SESN1: variants seen among roughly 807,000 people sequenced by gnomAD.
The protein encoded by SESN1 is sestrin-1.
In SESN1, 30 loss-of-function variants were observed where a neutral mutation model predicts 59.3. The observed-to-expected ratio is 0.51, with a 90% CI of 0.38 to 0.69. The LOEUF is 0.69. SESN1 is among the 30% of genes least tolerant of loss of function. SESN1 has a pLI of 0.00. For synonymous variants in SESN1, 197 were observed against 219.9 expected, an observed-to-expected ratio of 0.90 and a Z score of 0.92; for missense variants, 566 against 673.0, an observed-to-expected ratio of 0.84 and a Z score of 1.76.
chr6:109,009,307 G>A, intron 1 of SESN1: 2 of 1,423,984 alleles, frequency 1.4e-6, no homozygotes, highest in South Asian at 1.4e-5. Context: ...GCTCGGCCGG[G>A]TGCCCACCCG....
chr6:109,032,344 C>T (rs1041517100), intron 1 of SESN1, among the ~76,000 whole-genome samples: 5 of 152,212 alleles, frequency 3.3e-5, no homozygotes, highest in African/African-American at 9.6e-5. Flanking sequence ...TAAGGCTGGG[C>T]GCAGTGGCTC....
rs1051522098 is a variant in SESN1, at chr6:108,999,590, C to T, written c.730-835G>A. ...CATAACAATGAGATGCCACTTCACA[C>T]TTATCAGAATGGCTGAAATCCAAAA... On this transcript the variant is annotated intron_variant, in intron 4 of 9. Transcript: ENST00000436639. Among the ~76,000 whole-genome samples, 12 of 152,266 alleles carry T rather than the reference C, an allele frequency of 7.9e-5. 1 individual carries two copies. The highest frequency in any genetic ancestry group is 3.4e-3 in the Middle Eastern group (1 of 294).
chr6:109,050,915 G>A (rs1780530125), intron 1 of SESN1, among the ~76,000 whole-genome samples: 2 of 152,142 alleles, frequency 1.3e-5, no homozygotes, highest in East Asian at 3.8e-4. Flanking sequence ...CTTAGGTAGG[G>A]GGAATGTGGT....
At chr6:109,092,655 G>C (rs564608983) in intron 1 of SESN1, among the ~76,000 whole-genome samples, 82 of 152,258 alleles carry the variant, frequency 5.4e-4, no homozygotes, top group African/African-American at 1.8e-3. Flanking sequence ...GCATAATGAT[G>C]ACCCCATTAT....
At chr6:109,003,737 G>A (rs1377019718) in intron 1 of SESN1, among the ~76,000 whole-genome samples, 1 of 152,162 alleles carries the variant, frequency 6.6e-6, no homozygotes, top group Non-Finnish European at 1.5e-5. Flanking sequence ...ATGAATGCCA[G>A]AGGACATCCC....
intron 1 of SESN1, among the ~76,000 whole-genome samples, chr6:109,003,910 T>C (rs976041420): frequency 3.3e-5 from 5 of 152,218 alleles, no homozygotes; most frequent in South Asian, 2.1e-4. Flanking sequence ...CTCTAATTTC[T>C]TTAATCTTGA....
Position 108,987,264 on chromosome 6 carries a change from A to G in SESN1, c.*280T>C, listed in dbSNP as rs993862266. The G allele has an allele frequency of 4.2e-5, 13 of 305,922 alleles. No homozygotes were observed. The highest frequency in any genetic ancestry group is 6.6e-5 in the Non-Finnish European group (11 of 167,550). 19.0% of individuals were successfully genotyped at this position (305,922 alleles called of 1,614,324 possible). On this transcript the variant is annotated 3_prime_UTR_variant, in exon 10 of 10. Transcript: ENST00000436639. Reference sequence around the variant, plus strand: ...AAGCAACAGGATTTGGAGAGTTACTATTTGCTGTATTAAAACAGTTACACA... The same window carrying G: ...AAGCAACAGGATTTGGAGAGTTACTGTTTGCTGTATTAAAACAGTTACACA...
At chr6:109,060,121 G>A (rs761163753) in intron 1 of SESN1, among the ~76,000 whole-genome samples, 21 of 151,124 alleles carry the variant, frequency 1.4e-4, no homozygotes, top group Non-Finnish European at 2.2e-4. Flanking sequence ...GTACACACAC[G>A]TACACACACA....
intron 1 of SESN1, among the ~76,000 whole-genome samples, chr6:109,010,185 T>A (rs915581295): frequency 6.6e-6 from 1 of 152,188 alleles, no homozygotes; most frequent in African/African-American, 2.4e-5. Flanking sequence ...TTTCTAATAT[T>A]CCTTCATAAG....
At chr6:109,040,546 G>A (rs1780322519) in intron 1 of SESN1, among the ~76,000 whole-genome samples, 1 of 151,698 alleles carries the variant, frequency 6.6e-6, no homozygotes, top group South Asian at 2.1e-4. Context: ...TACATCAGGT[G>A]TCCCACTACA....
Position 109,065,264 on chromosome 6 carries a change from A to G in SESN1, c.279+28531T>C, listed in dbSNP as rs963368958. ...GTGTTCTTATAGGTTTATAAAAAAA[A>G]TTATTTTCCCCTAATACTATTATTA... is the stretch of plus-strand genomic sequence containing the variant. On this transcript the variant is annotated intron_variant, in intron 1 of 9. Coordinates refer to ENST00000436639, the MANE Select transcript of SESN1 (RefSeq NM_014454.3). Among the ~76,000 whole-genome samples the G allele has an allele frequency of 2.8e-4, 43 of 151,888 alleles. 1 individual carries two copies. The highest frequency in any genetic ancestry group is 2.5e-4 in the Non-Finnish European group (17 of 67,976).
intron 1 of SESN1, among the ~76,000 whole-genome samples, chr6:109,086,135 G>A (rs1781209899): frequency 6.6e-6 from 1 of 152,196 alleles, no homozygotes; most frequent in Admixed American, 6.5e-5. Context: ...AAGGCAGGCA[G>A]ATCACTTAAG....
At chr6:109,013,874 A>G (rs1357441881) in intron 1 of SESN1, among the ~76,000 whole-genome samples, 1 of 152,158 alleles carries the variant, frequency 6.6e-6, no homozygotes, top group Non-Finnish European at 1.5e-5. Context: ...TTTCTCCTCC[A>G]GCTCATATCT....
chr6:109,092,471 C>T (rs1295785154), intron 1 of SESN1, among the ~76,000 whole-genome samples: 1 of 152,158 alleles, frequency 6.6e-6, no homozygotes, highest in Non-Finnish European at 1.5e-5. Context: ...TATCTGGTTT[C>T]CCATTCTAAT....
intron 1 of SESN1, among the ~76,000 whole-genome samples, chr6:109,017,173 T>C (rs921768541): frequency 1.3e-4 from 20 of 152,174 alleles, no homozygotes; most frequent in Non-Finnish European, 1.0e-4. Flanking sequence ...AAGGCTCTAT[T>C]TGGCATTGAG....
chr6:109,073,388 T>C (rs754013806), intron 1 of SESN1, among the ~76,000 whole-genome samples: 6 of 152,192 alleles, frequency 3.9e-5, no homozygotes, highest in Non-Finnish European at 8.8e-5. Flanking sequence ...TCTCAATAGA[T>C]GGAAACACTA....
chr6:108,990,838 A>T lies in SESN1; in HGVS notation c.1234-3T>A. ...CCATGATCTTCCCAGCAATAGTCCT[A>T]AATACAGGGAATAGAACAAATGTGA... On this transcript the variant is annotated splice_polypyrimidine_tract_variant and splice_region_variant and intron_variant, in intron 7 of 9. Coordinates refer to ENST00000436639, the MANE Select transcript of SESN1 (RefSeq NM_014454.3). 6.2e-7 allele frequency: 1 copy of T among 1,612,046 alleles called. No homozygotes were observed. Among genetic ancestry groups the T allele is most frequent in the African/African-American group, 1.3e-5 (1 of 75,008 alleles).
chr6:108,989,428 TATATCTAGATCTAGATAC>T (rs1779299233), intron 8 of SESN1, among the ~76,000 whole-genome samples: 2 of 149,206 alleles, frequency 1.3e-5, no homozygotes, highest in Non-Finnish European at 2.9e-5. Flanking sequence ...TCTAGAGATA[TATATCTAGATCTAGATAC>T]ATCTCTATAT....
chr6:109,033,588 T>C (rs1780213585), intron 1 of SESN1, among the ~76,000 whole-genome samples: 2 of 152,282 alleles, frequency 1.3e-5, no homozygotes, highest in East Asian at 1.9e-4. Flanking sequence ...ATCTGAACTT[T>C]GTAAAAATGA....
Sources: allele counts gnomAD v4.1 joint callset (sites outside exome capture counted in the v4.1 genomes callset), GRCh38; gene constraint gnomAD v4.1.1; transcripts MANE v1.5; gene names NCBI Gene and HGNC (gene_info 2026-07-23, HGNC 2026-07-21).